Variants in THADA observed in about 807,000 individuals in gnomAD.
The protein encoded by THADA is THADA armadillo repeat containing.
Under a neutral mutation model 219.8 loss-of-function variants are expected in THADA, and 213 were observed. The ratio of observed to expected loss-of-function variants is 0.97; its 90% CI spans 0.87 to 1.09. THADA has a LOEUF of 1.09. Among genes scored for constraint, THADA ranks in the 50% least tolerant of loss-of-function variants. THADA has a pLI of 0.00. For synonymous variants in THADA, 1,018 were observed against 828.9 expected (o/e 1.23, Z -3.92); for missense variants, 2,956 against 2,311.3 (o/e 1.28, Z -5.72).
intron 36 of THADA, among the ~76,000 whole-genome samples, chr2:43,247,276 C>T (rs1669251586): frequency 1.3e-5 from 2 of 152,102 alleles, no homozygotes; most frequent in South Asian, 2.1e-4. Context: ...AAGTAACCGA[C>T]CCCAGAAGTC....
intron 20 of THADA, among the ~76,000 whole-genome samples, chr2:43,542,017 A>T (rs990989614): frequency 2.0e-5 from 3 of 152,226 alleles, no homozygotes; most frequent in African/African-American, 7.2e-5. Context: ...AAAGGAAAAT[A>T]CAAATTATCT....
chr2:43,595,910 C>G (rs1027192742), intron 1 of THADA, 21 bp downstream of exon 1: 7 of 152,444 alleles, frequency 4.6e-5, no homozygotes, highest in African/African-American at 1.7e-4. Context: ...GTCTGGCAGG[C>G]AGGACACCTG....
rs762241997 is a variant in THADA, at chr2:43,549,363, C to T, written c.2953G>A (p.Ala985Thr). 5.0e-6 allele frequency: 8 copies of T among 1,601,202 alleles called. No individual in the cohort carries two copies. The highest frequency in any genetic ancestry group is 6.8e-6 in the Non-Finnish European group (8 of 1,174,274). Residue 985 changes from alanine (A) to threonine (T), a missense_variant, in exon 20 of 38, where the codon GCA becomes ACA. By Grantham distance (58) the Ala-to-Thr change is moderately conservative. Transcript: ENST00000405975. ...LIPMDTDSES[A>T]SRLQMILNEI... Reference sequence around the variant, plus strand: ...TTCAGAATCATCTGTAAGCGGCTTGCTGACTCTGAGGGAAAGAAATGAGCG... The same window carrying T: ...TTCAGAATCATCTGTAAGCGGCTTGTTGACTCTGAGGGAAAGAAATGAGCG...
chr2:43,593,700 C>G (rs1314022948), intron 1 of THADA, among the ~76,000 whole-genome samples: 2 of 144,358 alleles, frequency 1.4e-5, no homozygotes, highest in Admixed American at 7.1e-5. Flanking sequence ...GTGGCGCGAT[C>G]TGCGCTCACT....
chr2:43,514,061 TA>T (rs959815356), intron 22 of THADA, among the ~76,000 whole-genome samples: 502 of 135,434 alleles, frequency 3.7e-3, no homozygotes, highest in Admixed American at 3.2e-3. Flanking sequence ...CACTGTCCCT[TA>T]AAAAAAAAAA....
At chr2:43,297,663 A>G (rs374931042) in intron 31 of THADA, among the ~76,000 whole-genome samples, 6 of 56,652 alleles carry the variant, frequency 1.1e-4, no homozygotes, top group African/African-American at 4.2e-4. Context: ...CTGCCCAGCC[A>G]CCCCTACTGG....
rs140037989 is a variant in THADA, at chr2:43,569,750, A to G, written c.2187+638T>C. On this transcript the variant is annotated intron_variant, in intron 14 of 37. Coordinates refer to ENST00000405975, the MANE Select transcript of THADA (RefSeq NM_022065.5). ...AGCTGTCTTCTGTCTGGGCCTGAGG[A>G]GCAAAAAAGGGTCTGCTTCTCAAAG... is the stretch of plus-strand genomic sequence containing the variant. Among the ~76,000 whole-genome samples the G allele has an allele frequency of 3.0e-3, 450 of 152,168 alleles. 3 individuals are homozygous for G. Among genetic ancestry groups the G allele is most frequent in the Non-Finnish European group, 4.5e-3 (309 of 68,016 alleles).
chr2:43,310,894 C>T (rs910424316), intron 31 of THADA, among the ~76,000 whole-genome samples: 5 of 152,114 alleles, frequency 3.3e-5, no homozygotes, highest in African/African-American at 1.2e-4. Flanking sequence ...AGAAATAACT[C>T]GGCTGGGCGC....
intron 30 of THADA, among the ~76,000 whole-genome samples, chr2:43,323,577 A>G (rs1297877563): frequency 6.6e-6 from 1 of 152,244 alleles, no homozygotes; most frequent in Non-Finnish European, 1.5e-5. Context: ...GGCCTGAGAA[A>G]GCAGATAGGA....
At chr2:43,489,824 G>A (rs1231473545) in intron 25 of THADA, among the ~76,000 whole-genome samples, 1 of 127,320 alleles carries the variant, frequency 7.9e-6, no homozygotes, top group Non-Finnish European at 1.6e-5. Flanking sequence ...TTTCAAGATT[G>A]TTTTGGCTAT....
At chr2:43,291,668 C>A in intron 34 of THADA, 28 bp downstream of exon 34, 1 of 1,505,310 alleles carries the variant, frequency 6.6e-7, no homozygotes. Context: ...AATCCTAGGT[C>A]CCGGAACAAG....
intron 29 of THADA, among the ~76,000 whole-genome samples, chr2:43,355,276 G>A (rs999545858): frequency 1.3e-5 from 2 of 152,084 alleles, no homozygotes; most frequent in Non-Finnish European, 2.9e-5. Context: ...TGGATCATAT[G>A]GTATTCTAGT....
chr2:43,496,808 C>T (rs963904980), intron 25 of THADA, among the ~76,000 whole-genome samples: 2 of 152,076 alleles, frequency 1.3e-5, no homozygotes, highest in Non-Finnish European at 2.9e-5. Context: ...ATATGATATA[C>T]CCAAAAGAAC....
chr2:43,528,404 A>AC (rs1693451767), intron 21 of THADA, among the ~76,000 whole-genome samples: 1 of 152,182 alleles, frequency 6.6e-6, no homozygotes, highest in South Asian at 2.1e-4. Flanking sequence ...TGCTGGGATT[A>AC]CATGCGTGAG....
chr2:43,360,508 G>T (rs57854119), intron 29 of THADA, among the ~76,000 whole-genome samples: 1 of 152,186 alleles, frequency 6.6e-6, no homozygotes, highest in Non-Finnish European at 1.5e-5. Flanking sequence ...CTAGCCTACT[G>T]ACATGTCAGG....
At chr2:43,323,837 G>A (rs1335093985) in intron 30 of THADA, among the ~76,000 whole-genome samples, 1 of 152,220 alleles carries the variant, frequency 6.6e-6, no homozygotes, top group Admixed American at 6.5e-5. Flanking sequence ...AGACAAAGTT[G>A]ATAAGGAAGG....
intron 35 of THADA, among the ~76,000 whole-genome samples, chr2:43,282,124 C>T (rs1673431783): frequency 6.6e-6 from 1 of 152,142 alleles, no homozygotes; most frequent in Non-Finnish European, 1.5e-5. Context: ...CAGGTTATTC[C>T]ACACACATTT....
chr2:43,582,074 T>C (rs1700521213), intron 7 of THADA, 146 bp from the exon 8 acceptor site: 2 of 622,080 alleles, frequency 3.2e-6, no homozygotes, highest in East Asian at 3.1e-5. Context: ...TCCATTCCTA[T>C]AAACATTCCA....
chr2:43,408,628 T>A (rs1675895384), intron 28 of THADA, among the ~76,000 whole-genome samples: 2 of 152,206 alleles, frequency 1.3e-5, no homozygotes, highest in Admixed American at 1.3e-4. Flanking sequence ...AATTAAAATA[T>A]GAGTATCTAA....
Sources: allele counts gnomAD v4.1 joint callset (sites outside exome capture counted in the v4.1 genomes callset), GRCh38; gene constraint gnomAD v4.1.1; transcripts MANE v1.5; gene names NCBI Gene and HGNC (gene_info 2026-07-23, HGNC 2026-07-21).